The following TRPS1 variants were observed in gnomAD, a reference collection of about 807,000 sequenced individuals.
TRPS1 encodes zinc finger transcription factor Trps1.
Under a neutral mutation model 101.2 loss-of-function variants are expected in TRPS1, and 6 were observed. That is an observed-to-expected ratio of 0.06 (90% confidence interval 0.03 to 0.12). TRPS1 has a LOEUF of 0.12. Ranked by LOEUF, TRPS1 falls within the 10% of genes least tolerant of loss-of-function variation. The probability of loss-of-function intolerance (pLI) is 1.00; values close to 1 mark genes in which losing one functional copy is unlikely to be tolerated. For missense variants in TRPS1, 1,363 were observed against 1,567.0 expected (o/e 0.87, Z 2.20); for synonymous variants, 578 against 589.8 (o/e 0.98, Z 0.29).
At chr8:115,469,426 G>C (rs1440391558) in intron 5 of TRPS1, among the ~76,000 whole-genome samples, 1 of 152,148 alleles carries the variant, frequency 6.6e-6, no homozygotes, top group African/African-American at 2.4e-5. Flanking sequence ...TTGCCATAAT[G>C]CCACAATGAA....
At chr8:115,643,532 T>C (rs951051165) in intron 1 of TRPS1, among the ~76,000 whole-genome samples, 2 of 152,242 alleles carry the variant, frequency 1.3e-5, no homozygotes, top group Non-Finnish European at 2.9e-5. Flanking sequence ...TATCAGGAGA[T>C]TGCAGCAATT....
At chr8:115,452,687 T>A (rs931591298) in intron 5 of TRPS1, among the ~76,000 whole-genome samples, 1 of 152,154 alleles carries the variant, frequency 6.6e-6, no homozygotes, top group Non-Finnish European at 1.5e-5. Context: ...CTTGGGATGC[T>A]TGGATAAGAC....
At chr8:115,459,627 T>A (rs1385975830) in intron 5 of TRPS1, among the ~76,000 whole-genome samples, 1 of 152,172 alleles carries the variant, frequency 6.6e-6, no homozygotes, top group Non-Finnish European at 1.5e-5. Flanking sequence ...GATTTAGTGA[T>A]CTTTTAAGTG....
intron 5 of TRPS1, among the ~76,000 whole-genome samples, chr8:115,578,176 C>T (rs1026269917): frequency 2.0e-5 from 3 of 152,080 alleles, no homozygotes; most frequent in African/African-American, 7.2e-5. Context: ...GATAAAATTG[C>T]CACTTGCTTT....
chr8:115,514,409 C>T lies in TRPS1; in HGVS notation c.2700+72592G>A, dbSNP rs147529435. 3.2e-3 allele frequency among the ~76,000 whole-genome samples: 479 copies of T among 151,626 alleles called. 1 individual carries two copies. Among genetic ancestry groups the T allele is most frequent in the Non-Finnish European group, 5.5e-3 (370 of 67,712 alleles). ...ATCACTCTATGTCTCCATTTTGATACCTGGAAAATGGGAGTAATATCACTA... is the reference window on the plus strand; with the variant it reads ...ATCACTCTATGTCTCCATTTTGATATCTGGAAAATGGGAGTAATATCACTA... On this transcript the variant is annotated intron_variant, in intron 5 of 6. Transcript: ENST00000395715.
At chr8:115,473,891 T>C (rs1024889699) in intron 5 of TRPS1, among the ~76,000 whole-genome samples, 4 of 152,082 alleles carry the variant, frequency 2.6e-5, no homozygotes, top group African/African-American at 9.7e-5. Context: ...TTTAGAGGAG[T>C]GGTCTGGAAT....
chr8:115,579,233 C>G (rs1428963397), intron 5 of TRPS1, among the ~76,000 whole-genome samples: 1 of 152,024 alleles, frequency 6.6e-6, no homozygotes, highest in Non-Finnish European at 1.5e-5. Context: ...TCTATTTTAA[C>G]CAAATATTTT....
intron 5 of TRPS1, among the ~76,000 whole-genome samples, chr8:115,561,689 GCATCGTCAAGCTA>G (rs557601883): frequency 5.9e-4 from 90 of 152,134 alleles, no homozygotes; most frequent in Non-Finnish European, 9.7e-4. Context: ...TACTCAGTGT[GCATCGTCAAGCTA>G]CTGGCTCCAG....
intron 5 of TRPS1, among the ~76,000 whole-genome samples, chr8:115,528,387 A>C (rs1256078388): frequency 6.6e-6 from 1 of 152,134 alleles, no homozygotes; most frequent in African/African-American, 2.4e-5. Context: ...TAATCCTCAC[A>C]GCAGCACTCT....
At chr8:115,627,702 T>A (rs758969133) in intron 1 of TRPS1, among the ~76,000 whole-genome samples, 34 of 151,892 alleles carry the variant, frequency 2.2e-4, no homozygotes, top group Non-Finnish European at 4.6e-4. Context: ...AATATTTTTA[T>A]GTACTAATGT....
intron 4 of TRPS1, among the ~76,000 whole-genome samples, chr8:115,595,263 T>C (rs1445420673): frequency 6.6e-6 from 1 of 151,978 alleles, no homozygotes; most frequent in African/African-American, 2.4e-5. Context: ...TATAAATGTC[T>C]ACAATGAGTG....
At chr8:115,501,209 T>C (rs1343981529) in intron 5 of TRPS1, among the ~76,000 whole-genome samples, 2 of 152,234 alleles carry the variant, frequency 1.3e-5, no homozygotes. Flanking sequence ...CATTCTTGTT[T>C]GGTTTACTAC....
rs1291517457 is a variant in TRPS1, at chr8:115,650,264, T to G, written c.-122+18281A>C. Among the ~76,000 whole-genome samples the G allele has an allele frequency of 2.0e-5, 3 of 152,246 alleles. 1 individual carries two copies. The highest frequency in any genetic ancestry group is 4.4e-5 in the Non-Finnish European group (3 of 68,042). ...ATCTCTTTCAAAGGATTTGTAAAGT[T>G]GCTTACAGACATAAGGTGACATCAG... On this transcript the variant is annotated intron_variant, in intron 1 of 6. Coordinates refer to ENST00000395715, the MANE Select transcript of TRPS1 (RefSeq NM_014112.5).
intron 1 of TRPS1, among the ~76,000 whole-genome samples, chr8:115,653,871 A>G (rs1811620102): frequency 1.3e-5 from 2 of 152,174 alleles, no homozygotes; most frequent in South Asian, 4.1e-4. Flanking sequence ...CCAGCATTTC[A>G]AAGACACTTC....
At chr8:115,501,027 G>A (rs932535678) in intron 5 of TRPS1, among the ~76,000 whole-genome samples, 1 of 151,918 alleles carries the variant, frequency 6.6e-6, no homozygotes, top group Non-Finnish European at 1.5e-5. Context: ...TTCGGGGGAG[G>A]GAGCTAAATG....
intron 5 of TRPS1, among the ~76,000 whole-genome samples, chr8:115,435,218 G>A (rs553818648): frequency 7.2e-5 from 11 of 152,250 alleles, no homozygotes; most frequent in African/African-American, 2.4e-4. Context: ...AGCTACTGAA[G>A]TTCTCACAGT....
chr8:115,581,664 G>A (rs192182639), intron 5 of TRPS1, among the ~76,000 whole-genome samples: 326 of 152,098 alleles, frequency 2.1e-3, no homozygotes, highest in Middle Eastern at 6.8e-3. Flanking sequence ...AATATGGAAC[G>A]AATTTGACAA....
intron 5 of TRPS1, among the ~76,000 whole-genome samples, chr8:115,483,542 A>G (rs1043846834): frequency 2.0e-5 from 3 of 152,118 alleles, no homozygotes; most frequent in Admixed American, 1.3e-4. Context: ...CAAAAAAAAA[A>G]AAAAAAAAAA....
Position 115,623,685 on chromosome 8 carries a change from G to A in TRPS1, c.-48C>T. On this transcript the variant is annotated 5_prime_UTR_variant, in exon 2 of 7. Coordinates refer to ENST00000395715, the MANE Select transcript of TRPS1 (RefSeq NM_014112.5). The stretch of plus-strand genomic sequence containing the variant: ...AATTATTAATTCTATTAGTCAACTA[G>A]CAGGAGGCTAATGCAATTGTCTTAG... 1 of 1,601,452 alleles carries A rather than the reference G, an allele frequency of 6.2e-7. No homozygotes were observed. Among genetic ancestry groups the A allele is most frequent in the Admixed American group, 1.7e-5 (1 of 59,042 alleles).
Sources: allele counts gnomAD v4.1 joint callset (sites outside exome capture counted in the v4.1 genomes callset), GRCh38; gene constraint gnomAD v4.1.1; transcripts MANE v1.5; gene names NCBI Gene and HGNC (gene_info 2026-07-23, HGNC 2026-07-21).